PALM2AKAP2: variants seen among roughly 807,000 people sequenced by gnomAD.
The protein encoded by PALM2AKAP2 is PALM2-AKAP2 fusion protein.
A neutral mutation model predicts 71.5 loss-of-function variants in PALM2AKAP2; 37 were observed. The observed-to-expected ratio is 0.52, with a 90% CI of 0.40 to 0.68. The LOEUF (loss-of-function observed/expected upper bound fraction) is 0.68, where lower values mean the gene tolerates loss of function less well. Among genes scored for constraint, PALM2AKAP2 ranks in the 30% least tolerant of loss-of-function variants. The pLI, the probability that PALM2AKAP2 is intolerant of heterozygous loss-of-function variation, is 0.00. For missense variants in PALM2AKAP2, 1,224 were observed against 1,191.8 expected, an observed-to-expected ratio of 1.03 and a Z score of -0.40; for synonymous variants, 468 against 478.8, an observed-to-expected ratio of 0.98 and a Z score of 0.29.
chr9:110,087,408 G>A (rs769310484), intron 1 of PALM2AKAP2, among the ~76,000 whole-genome samples: 4 of 152,204 alleles, frequency 2.6e-5, no homozygotes, highest in Admixed American at 1.3e-4. Context: ...TAATCTTGCA[G>A]GTCTTCACAG....
intron 1 of PALM2AKAP2, among the ~76,000 whole-genome samples, chr9:109,866,370 G>A (rs1041247401): frequency 6.6e-6 from 1 of 152,128 alleles, no homozygotes; most frequent in Non-Finnish European, 1.5e-5. Flanking sequence ...AAACGAAAAT[G>A]CTCCAGTATA....
At chr9:110,037,485 C>T (rs1350916229) in intron 7 of PALM2AKAP2, among the ~76,000 whole-genome samples, 7 of 152,192 alleles carry the variant, frequency 4.6e-5, no homozygotes, top group Admixed American at 1.3e-4. Context: ...GGATTACAGG[C>T]GTGAGCCACC....
chr9:109,989,878 C>G (rs1832444068), intron 6 of PALM2AKAP2, among the ~76,000 whole-genome samples: 1 of 152,204 alleles, frequency 6.6e-6, no homozygotes, highest in Non-Finnish European at 1.5e-5. Context: ...CTAAAGATCC[C>G]TCTCCTAATC....
At chr9:109,912,620 C>A (rs1830594337) in intron 3 of PALM2AKAP2, among the ~76,000 whole-genome samples, 1 of 152,190 alleles carries the variant, frequency 6.6e-6, no homozygotes, top group Non-Finnish European at 1.5e-5. Context: ...AAACAATATT[C>A]TTCCCAGTGT....
At chr9:109,786,046 C>G (rs886866752) in intron 1 of PALM2AKAP2, among the ~76,000 whole-genome samples, 1 of 152,230 alleles carries the variant, frequency 6.6e-6, no homozygotes, top group African/African-American at 2.4e-5. Context: ...CCTGCATAGA[C>G]CTGGGTATAC....
At chr9:109,892,222 C>T (rs1028270852) in intron 3 of PALM2AKAP2, among the ~76,000 whole-genome samples, 2 of 152,186 alleles carry the variant, frequency 1.3e-5, no homozygotes, top group Admixed American at 1.3e-4. Flanking sequence ...CCTCTCTCAG[C>T]TTAGTGGGTC....
chr9:109,857,099 G>A (rs888408114), intron 1 of PALM2AKAP2, among the ~76,000 whole-genome samples: 4 of 152,100 alleles, frequency 2.6e-5, no homozygotes, highest in Admixed American at 1.3e-4. Flanking sequence ...TCCAGGCCTG[G>A]CACGTCTTCC....
At chr9:109,750,306 C>T (rs1828866630) in intron 1 of PALM2AKAP2, among the ~76,000 whole-genome samples, 1 of 152,156 alleles carries the variant, frequency 6.6e-6, no homozygotes, top group Non-Finnish European at 1.5e-5. Context: ...TTTCAATAGC[C>T]TGTTGGAATA....
intron 1 of PALM2AKAP2, among the ~76,000 whole-genome samples, chr9:109,792,130 A>C (rs1333615887): frequency 2.6e-5 from 4 of 152,234 alleles, no homozygotes; most frequent in Non-Finnish European, 5.9e-5. Flanking sequence ...GGTGGGATCC[A>C]TACCCTATAA....
chr9:109,786,286 A>T lies in PALM2AKAP2; in HGVS notation c.45+5753A>T, dbSNP rs1409782779. 3.9e-5 allele frequency among the ~76,000 whole-genome samples: 6 copies of T among 152,276 alleles called. No homozygotes were observed. The East Asian group carries it at 1.2e-3, about 29-fold the overall frequency. ...AAGTCCTTGCAATGATTTACATACT[A>T]TCCAGTCCAGCTTCCCAAGGATCCC... On this transcript the variant is annotated intron_variant, in intron 1 of 9. Coordinates refer to the PALM2AKAP2 transcript ENST00000302798.
At chr9:109,951,087 T>C (rs1782137452) in intron 6 of PALM2AKAP2, among the ~76,000 whole-genome samples, 1 of 152,282 alleles carries the variant, frequency 6.6e-6, no homozygotes, top group South Asian at 2.1e-4. Flanking sequence ...CTCAAGCTCC[T>C]GACTTAGGAG....
rs557646542 is a variant in PALM2AKAP2, at chr9:109,656,419, A to G, written c.5+15553A>G. Among the ~76,000 whole-genome samples, 264 of 152,282 alleles carry G rather than the reference A, an allele frequency of 1.7e-3. 3 individuals carry two copies. The South Asian group carries it at 0.032, about 18-fold the overall frequency. ...ATATCTTCCTTTTGCAAACTTTACA[A>G]AAACATGCCCATCCCTTGAAAACAC... is the stretch of plus-strand genomic sequence containing the variant. On this transcript the variant is annotated intron_variant, in intron 1 of 6. Coordinates refer to the PALM2AKAP2 transcript ENST00000374531.
At chr9:110,123,019 T>G (rs1383173464) in intron 1 of PALM2AKAP2, among the ~76,000 whole-genome samples, 3 of 152,212 alleles carry the variant, frequency 2.0e-5, no homozygotes, top group Non-Finnish European at 1.5e-5. Context: ...CTGAGTATAA[T>G]CCACTTTTCT....
intron 1 of PALM2AKAP2, among the ~76,000 whole-genome samples, chr9:109,719,179 G>T (rs989924731): frequency 2.6e-5 from 4 of 152,172 alleles, no homozygotes; most frequent in Admixed American, 6.5e-5. Flanking sequence ...CTGTTAGTTA[G>T]CATGAAAAGG....
At chr9:109,992,948 T>TAG (rs1208428810) in intron 6 of PALM2AKAP2, among the ~76,000 whole-genome samples, 24 of 141,968 alleles carry the variant, frequency 1.7e-4, no homozygotes, top group Admixed American at 1.3e-3. Flanking sequence ...TGTATATATA[T>TAG]ATATATAGAG....
chr9:109,984,883 A>T (rs1244508392), intron 6 of PALM2AKAP2, among the ~76,000 whole-genome samples: 1 of 151,966 alleles, frequency 6.6e-6, no homozygotes, highest in South Asian at 2.1e-4. Context: ...TTAGAAAAAA[A>T]TTTTAAAAAG....
chr9:109,681,782 A>G (rs1827739751), intron 1 of PALM2AKAP2, among the ~76,000 whole-genome samples: 1 of 152,184 alleles, frequency 6.6e-6, no homozygotes, highest in African/African-American at 2.4e-5. Flanking sequence ...ATCTCATTCC[A>G]AATCACTGTA....
chr9:109,684,058 C>G (rs1028830381), intron 1 of PALM2AKAP2, among the ~76,000 whole-genome samples: 1 of 152,208 alleles, frequency 6.6e-6, no homozygotes, highest in Non-Finnish European at 1.5e-5. Context: ...TGTCGCCAGC[C>G]TCTTTTGCTT....
chr9:109,885,877 A>G (rs1004173691), intron 3 of PALM2AKAP2, among the ~76,000 whole-genome samples: 4 of 152,240 alleles, frequency 2.6e-5, no homozygotes, highest in African/African-American at 4.8e-5. Flanking sequence ...AGAAAATTCT[A>G]CCATTCTTCC....
Sources: allele counts gnomAD v4.1 joint callset (sites outside exome capture counted in the v4.1 genomes callset), GRCh38; gene constraint gnomAD v4.1.1; transcripts MANE v1.5; gene names NCBI Gene and HGNC (gene_info 2026-07-23, HGNC 2026-07-21).